CACNB4: variants seen among roughly 807,000 people sequenced by gnomAD.
The protein encoded by CACNB4 is calcium voltage-gated channel auxiliary subunit beta 4, also known as voltage-dependent L-type calcium channel subunit beta-4.
CACNB4 carries 32 observed loss-of-function variants against 71.2 expected under a neutral mutation model. The observed-to-expected ratio is 0.45, with a 90% CI of 0.34 to 0.60. CACNB4 has a LOEUF of 0.60. Ranked by LOEUF, CACNB4 falls within the 20% of genes least tolerant of loss-of-function variation. The pLI is 0.01. For synonymous variants in CACNB4, 231 were observed against 236.9 expected, an observed-to-expected ratio of 0.97 and a Z score of 0.23; for missense variants, 464 against 647.9, an observed-to-expected ratio of 0.72 and a Z score of 3.08.
intron 2 of CACNB4, among the ~76,000 whole-genome samples, chr2:151,996,359 G>C (rs1270069325): frequency 1.3e-5 from 2 of 151,754 alleles, no homozygotes; most frequent in South Asian, 4.2e-4. Flanking sequence ...AATAGAGTGA[G>C]ACCCCCTCAA....
rs753982553 is a variant in CACNB4, at chr2:151,886,770, A to G, written c.148-3400T>C. On this transcript the variant is annotated intron_variant, in intron 2 of 13. Coordinates refer to ENST00000539935, the MANE Select transcript of CACNB4 (RefSeq NM_000726.5). ...AAGAGCCCACATGTGGCCCATAGAC[A>G]TGCTCTGCTGGCTTGGTACTGGCTT... is the stretch of plus-strand genomic sequence containing the variant. 3.2e-4 allele frequency among the ~76,000 whole-genome samples: 48 copies of G among 152,058 alleles called. 1 individual carries two copies. Among genetic ancestry groups the G allele is most frequent in the Admixed American group, 1.2e-3 (19 of 15,282 alleles).
At chr2:152,097,437 A>G (rs1688335125) in intron 2 of CACNB4, among the ~76,000 whole-genome samples, 1 of 152,172 alleles carries the variant, frequency 6.6e-6, no homozygotes, top group Non-Finnish European at 1.5e-5. Context: ...ATGTCTTCCT[A>G]GGTCACCCGA....
At chr2:151,942,729 T>C (rs1277049531) in intron 2 of CACNB4, among the ~76,000 whole-genome samples, 5 of 152,176 alleles carry the variant, frequency 3.3e-5, no homozygotes, top group Non-Finnish European at 7.4e-5. Flanking sequence ...GCTCTAGGAA[T>C]GTCTGTCCTA....
chr2:151,905,057 C>T (rs1215932841), intron 2 of CACNB4, among the ~76,000 whole-genome samples: 1 of 152,178 alleles, frequency 6.6e-6, no homozygotes, highest in African/African-American at 2.4e-5. Context: ...GAACAAGGTC[C>T]AGCTCATTTT....
At chr2:151,930,536 A>C (rs1285779986) in intron 2 of CACNB4, among the ~76,000 whole-genome samples, 1 of 152,200 alleles carries the variant, frequency 6.6e-6, no homozygotes, top group Non-Finnish European at 1.5e-5. Context: ...TGTTATCTGC[A>C]ATATTGGTTG....
intron 2 of CACNB4, among the ~76,000 whole-genome samples, chr2:151,921,400 C>T (rs953662477): frequency 2.0e-5 from 3 of 152,142 alleles, no homozygotes; most frequent in African/African-American, 4.8e-5. Flanking sequence ...CTTTCTTCAT[C>T]TAAGAGTTTA....
intron 2 of CACNB4, among the ~76,000 whole-genome samples, chr2:151,979,270 AT>A (rs1446272628): frequency 2.0e-5 from 3 of 152,140 alleles, no homozygotes; most frequent in African/African-American, 7.2e-5. Context: ...AAAAGTGAAT[AT>A]ATGGACTAGC....
intron 2 of CACNB4, among the ~76,000 whole-genome samples, chr2:152,066,197 C>T (rs1292232903): frequency 6.6e-6 from 1 of 152,170 alleles, no homozygotes; most frequent in Non-Finnish European, 1.5e-5. Flanking sequence ...GCCTCTGCCT[C>T]CCTCTCCCCC....
chr2:152,085,750 C>T lies in CACNB4; in HGVS notation c.147+12580G>A, dbSNP rs905887766. 1.5e-4 allele frequency among the ~76,000 whole-genome samples: 23 copies of T among 151,110 alleles called. 1 individual carries two copies. The highest frequency in any genetic ancestry group is 4.9e-5 in the African/African-American group (2 of 41,052). On this transcript the variant is annotated intron_variant, in intron 2 of 13. Transcript: ENST00000539935. ...AATAATGGCGGATGTTTTTAACATACGTGTATGTTGGACATACGTTTTGCC... is the reference window on the plus strand; with the variant it reads ...AATAATGGCGGATGTTTTTAACATATGTGTATGTTGGACATACGTTTTGCC...
upstream of CACNB4, chr2:152,099,120 C>G (rs990578767): frequency 7.8e-5 from 50 of 638,638 alleles, no homozygotes; most frequent in Non-Finnish European, 1.2e-4. Context: ...CCACCCGGCT[C>G]CAGGACCCGC....
intron 2 of CACNB4, among the ~76,000 whole-genome samples, chr2:152,004,407 T>C (rs1206167775): frequency 6.6e-6 from 1 of 152,126 alleles, no homozygotes; most frequent in East Asian, 1.9e-4. Context: ...TGGTCACACT[T>C]CTGCCCTGTG....
At chr2:151,920,852 C>A (rs2099858802) in intron 2 of CACNB4, among the ~76,000 whole-genome samples, 1 of 152,058 alleles carries the variant, frequency 6.6e-6, no homozygotes, top group South Asian at 2.1e-4. Flanking sequence ...TTAAAACTTA[C>A]TTGAGGCCAG....
At position 151,896,631 on chromosome 2, in the gene CACNB4, G is replaced by A. The variant is rs140448479; in HGVS notation, c.148-13261C>T. 7.9e-3 allele frequency among the ~76,000 whole-genome samples: 1,208 copies of A among 152,252 alleles called. 5 individuals carry two copies. The highest frequency in any genetic ancestry group is 0.012 in the Non-Finnish European group (801 of 68,018). On this transcript the variant is annotated intron_variant, in intron 2 of 13. Coordinates refer to ENST00000539935, the MANE Select transcript of CACNB4 (RefSeq NM_000726.5). ...GGCCCATACTCTTTCCTGGGGTAGT[G>A]CCCTTCCTCTCCAATCAGTTCACAG...
At chr2:152,076,961 G>C (rs1579254301) in intron 2 of CACNB4, among the ~76,000 whole-genome samples, 2 of 152,340 alleles carry the variant, frequency 1.3e-5, no homozygotes, top group East Asian at 1.9e-4. Flanking sequence ...AGCAGGGAGG[G>C]GGGCTGGCCG....
At chr2:152,058,594 G>C (rs1407070821) in intron 2 of CACNB4, among the ~76,000 whole-genome samples, 1 of 152,204 alleles carries the variant, frequency 6.6e-6, no homozygotes, top group Admixed American at 6.5e-5. Flanking sequence ...TTGAACTTGA[G>C]AGAGATAATC....
At chr2:152,033,610 T>C (rs553012048) in intron 2 of CACNB4, among the ~76,000 whole-genome samples, 3 of 152,160 alleles carry the variant, frequency 2.0e-5, no homozygotes, top group Non-Finnish European at 4.4e-5. Context: ...CCCATCTTTT[T>C]ATAAATTCTC....
At chr2:151,988,515 G>A (rs774325483) in intron 2 of CACNB4, among the ~76,000 whole-genome samples, 4 of 152,154 alleles carry the variant, frequency 2.6e-5, no homozygotes, top group Non-Finnish European at 5.9e-5. Context: ...CAATACTGCT[G>A]TTTTAGTTAG....
intron 2 of CACNB4, among the ~76,000 whole-genome samples, chr2:151,991,178 T>C (rs1167885923): frequency 1.3e-5 from 2 of 152,190 alleles, no homozygotes. Flanking sequence ...GAGAGAAGGC[T>C]TGGACTCTGA....
rs182953907 is a variant in CACNB4 at position 151,980,454 on chromosome 2, C to T, written c.148-97084G>A. On this transcript the variant is annotated intron_variant, in intron 2 of 13. Coordinates refer to ENST00000539935, the MANE Select transcript of CACNB4 (RefSeq NM_000726.5). ...CCCCACACCTCCTCTCAATCTGCCC[C>T]CATTAGTTTGCATTAGTGCAATTGG... Among the ~76,000 whole-genome samples the T allele has an allele frequency of 1.0e-3, 156 of 152,274 alleles. 2 individuals carry two copies. The highest frequency in any genetic ancestry group is 3.6e-3 in the African/African-American group (151 of 41,554).
Sources: gnomAD v4.1 joint callset for allele counts (sites outside exome capture counted in the v4.1 genomes callset) on GRCh38, gnomAD v4.1.1 for gene constraint, MANE v1.5 for transcripts, NCBI Gene and HGNC (gene_info 2026-07-23, HGNC 2026-07-21) for gene names.